The following SLC36A2 variants were observed in gnomAD, a reference collection of about 807,000 sequenced individuals.
SLC36A2 encodes the protein proton-coupled amino acid transporter 2.
SLC36A2 carries 39 observed loss-of-function variants against 42.7 expected under a neutral mutation model. That is an observed-to-expected ratio of 0.91 (90% CI 0.71 to 1.19). The LOEUF is 1.19. Among genes scored for constraint, SLC36A2 ranks in the 50% most tolerant of loss-of-function variants. SLC36A2 has a pLI of 0.00. For synonymous variants in SLC36A2, 237 were observed against 240.8 expected (o/e 0.98, Z 0.15); for missense variants, 590 against 613.7 (o/e 0.96, Z 0.41).
In SLC36A2 at chr5:151,328,720, T is replaced by A. The variant is rs151195193; in HGVS notation, c.844-3268A>T. Among the ~76,000 whole-genome samples, 26 of 152,176 alleles carry A rather than the reference T, an allele frequency of 1.7e-4. 1 individual carries two copies. The highest frequency in any genetic ancestry group is 2.9e-4 in the Non-Finnish European group (20 of 68,034). ...GAGTCTGAAGAGTGTGGGAAATCAGTACTGGCTACCTAATTTATGGGCCCC... is the reference window on the plus strand; with the variant it reads ...GAGTCTGAAGAGTGTGGGAAATCAGAACTGGCTACCTAATTTATGGGCCCC... On this transcript the variant is annotated intron_variant, in intron 7 of 9. Coordinates refer to ENST00000335244, the MANE Select transcript of SLC36A2 (RefSeq NM_181776.3).
At chr5:151,321,345 C>CTTTT (rs1163117468) in intron 9 of SLC36A2, among the ~76,000 whole-genome samples, 1 of 43,196 alleles carries the variant, frequency 2.3e-5, no homozygotes. Flanking sequence ...TCTTTTCTTT[C>CTTTT]TTTTTTTTTT....
At position 151,344,162 on chromosome 5, in the gene SLC36A2, T is replaced by G. The variant is rs1471291397; in HGVS notation, c.255+15A>C. 1.2e-6 allele frequency: 2 copies of G among 1,612,678 alleles called. No individual in the cohort carries two copies. Among genetic ancestry groups the G allele is most frequent in the South Asian group, 1.1e-5 (1 of 90,810 alleles). ...CAACTGACCATAAAGCCCCCACATG[T>G]GGCGCCTCTCTTACCAGGATGCCCG... On this transcript the variant is annotated intron_variant, in intron 2 of 9. Transcript: ENST00000335244.
intron 8 of SLC36A2, among the ~76,000 whole-genome samples, chr5:151,324,132 C>G (rs1190302722): frequency 6.6e-6 from 1 of 152,002 alleles, no homozygotes; most frequent in Non-Finnish European, 1.5e-5. Context: ...CAATGGTCTT[C>G]CCAAATTGTT....
At chr5:151,327,752 TTCTC>T (rs149600041) in intron 7 of SLC36A2, among the ~76,000 whole-genome samples, 2 of 151,096 alleles carry the variant, frequency 1.3e-5, no homozygotes, top group African/African-American at 2.4e-5. Context: ...CTTCCTTTCT[TTCTC>T]TCTCTCTCTC....
rs763940212 is a variant in SLC36A2, at chr5:151,339,109, A to C, written c.476T>G (p.Leu159Arg). 2 of 1,610,054 alleles carry C rather than the reference A, an allele frequency of 1.2e-6. No individual in the cohort carries two copies. The highest frequency in any genetic ancestry group is 1.7e-5 in the Admixed American group (1 of 59,876). ...IVSFFLIITQ[L>R]GFCCVYIVFL... Reference sequence around the variant, plus strand: ...CACAATGTACACACAGCAGAAGCCAAGTTGGGTGATAATAAGGAAGAAGCT... The same window carrying C: ...CACAATGTACACACAGCAGAAGCCACGTTGGGTGATAATAAGGAAGAAGCT... The change falls in exon 5 of 10, where the codon CTT becomes CGT. Residue 159 changes from leucine (L) to arginine (R), a missense_variant. Physicochemically the swap from Leu to Arg is moderately radical, Grantham distance 102. Coordinates refer to ENST00000335244, the MANE Select transcript of SLC36A2 (RefSeq NM_181776.3).
At chr5:151,323,308 C>A (rs1246914556) in intron 8 of SLC36A2, among the ~76,000 whole-genome samples, 1 of 151,314 alleles carries the variant, frequency 6.6e-6, no homozygotes. Flanking sequence ...TGTGTTTAGC[C>A]CATTCCTTAA....
intron 5 of SLC36A2, chr5:151,338,805 G>C: frequency 2.7e-6 from 1 of 365,248 alleles, no homozygotes; most frequent in Non-Finnish European, 5.3e-6. Context: ...AAAATCCAAG[G>C]GTCTTTCCAT....
At chr5:151,325,902 G>T (rs575368722) in intron 7 of SLC36A2, among the ~76,000 whole-genome samples, 1 of 152,264 alleles carries the variant, frequency 6.6e-6, no homozygotes, top group East Asian at 1.9e-4. Flanking sequence ...TGTTTAATGG[G>T]TACAGAGTTT....
intron 5 of SLC36A2, among the ~76,000 whole-genome samples, chr5:151,336,005 C>CAAA (rs543628468): frequency 3.3e-5 from 4 of 120,416 alleles, no homozygotes; most frequent in South Asian, 2.7e-4. Flanking sequence ...CCTGTATCCA[C>CAAA]AAAAAAAAAA....
rs747409229 is a variant in SLC36A2, at chr5:151,347,512, G to A, written c.-52C>T. ...GGTGACAAAGAGGTCTGCTCTGGAA[G>A]GAGGGAAGCAGGAAGGTGTCTAGTG... On this transcript the variant is annotated 5_prime_UTR_variant, in exon 1 of 10. Transcript: ENST00000335244. 48 of 1,605,940 alleles carry A rather than the reference G, an allele frequency of 3.0e-5. No individual in the cohort carries two copies. Among genetic ancestry groups the A allele is most frequent in the Admixed American group, 8.3e-5 (5 of 59,974 alleles).
chr5:151,330,711 A>G (rs987231165), intron 7 of SLC36A2, among the ~76,000 whole-genome samples: 6 of 152,372 alleles, frequency 3.9e-5, no homozygotes, highest in Admixed American at 3.9e-4. Context: ...AGCAAAGATG[A>G]TAACATTGTT....
chr5:151,323,226 C>A (rs906787174), intron 8 of SLC36A2, among the ~76,000 whole-genome samples: 2 of 150,596 alleles, frequency 1.3e-5, no homozygotes, highest in African/African-American at 4.9e-5. Flanking sequence ...CAGAGTGAGA[C>A]CCTGTCTCAA....
At position 151,335,528 on chromosome 5, in the gene SLC36A2, C is replaced by G. The variant is rs1370407021; in HGVS notation, c.545G>C (p.Ser182Thr). 24 of 1,613,796 alleles carry G rather than the reference C, an allele frequency of 1.5e-5. No individual in the cohort carries two copies. Among genetic ancestry groups the G allele is most frequent in the Non-Finnish European group, 1.7e-5 (20 of 1,179,868 alleles). Residue 182 changes from serine to threonine, a missense_variant, in exon 6 of 10, where the codon AGC becomes ACC. Ser to Thr is a moderately conservative substitution (Grantham distance 58). Transcript: ENST00000335244. The stretch of plus-strand genomic sequence containing the variant: ...ATTGGAATAGCAGTTGTTGGTTGTG[C>G]TATTAACAGCTTCCACTACCTGAGG... Reference protein sequence around the residue: ...NLKQVVEAVNSTTNNCYSNET... With the variant: ...NLKQVVEAVNTTTNNCYSNET...
intron 1 of SLC36A2, among the ~76,000 whole-genome samples, chr5:151,346,729 C>A (rs1756507248): frequency 6.6e-6 from 1 of 152,006 alleles, no homozygotes; most frequent in African/African-American, 2.4e-5. Flanking sequence ...GTTTTGGAAG[C>A]CTTGTGAATA....
intron 9 of SLC36A2, among the ~76,000 whole-genome samples, chr5:151,318,564 T>A (rs912124299): frequency 1.4e-5 from 2 of 145,150 alleles, no homozygotes; most frequent in African/African-American, 5.0e-5. Context: ...AAATATATTT[T>A]TATATATAAT....
chr5:151,322,419 A>G (rs1483502870), intron 8 of SLC36A2, among the ~76,000 whole-genome samples: 1 of 152,226 alleles, frequency 6.6e-6, no homozygotes, highest in Non-Finnish European at 1.5e-5. Flanking sequence ...TTCAGTGGAA[A>G]CAATGGAAAG....
At chr5:151,321,742 G>C (rs1170278461) in intron 9 of SLC36A2, 1 of 359,732 alleles carries the variant, frequency 2.8e-6, no homozygotes, top group Non-Finnish European at 5.4e-6. Flanking sequence ...GCAGTGGCAC[G>C]ATCTCGGCTC....
intron 7 of SLC36A2, among the ~76,000 whole-genome samples, chr5:151,326,904 C>T (rs373471430): frequency 5.3e-5 from 8 of 151,858 alleles, no homozygotes; most frequent in African/African-American, 1.5e-4. Flanking sequence ...CTCTGCCTCC[C>T]GAGCTCAAGA....
chr5:151,317,425 C>T (rs1359246304), intron 9 of SLC36A2, among the ~76,000 whole-genome samples: 2 of 150,148 alleles, frequency 1.3e-5, no homozygotes. Flanking sequence ...GCACTCCAGC[C>T]TGGGTGACAA....
Sources: gnomAD v4.1 joint callset for allele counts (sites outside exome capture counted in the v4.1 genomes callset) on GRCh38, gnomAD v4.1.1 for gene constraint, MANE v1.5 for transcripts, NCBI Gene and HGNC (gene_info 2026-07-23, HGNC 2026-07-21) for gene names.